The following ARB2A variants were observed in gnomAD, a reference collection of about 807,000 sequenced individuals.
ARB2A encodes cotranscriptional regulator ARB2A.
the ARB2A span, among the ~76,000 whole-genome samples, chr5:93,896,546 T>A: frequency 6.6e-6 from 1 of 151,656 alleles, no homozygotes; most frequent in African/African-American, 2.4e-5. Flanking sequence ...TCTGAAAAAA[T>A]CCAAAAACCA....
At chr5:93,745,809 T>A in the ARB2A span, among the ~76,000 whole-genome samples, 1 of 151,946 alleles carries the variant, frequency 6.6e-6, no homozygotes, top group Non-Finnish European at 1.5e-5. Context: ...ACTCTGCAGA[T>A]GTCCTAGTAA....
chr5:93,944,252 A>G, the ARB2A span, among the ~76,000 whole-genome samples: 5 of 152,308 alleles, frequency 3.3e-5, 1 homozygote, highest in African/African-American at 1.2e-4. Flanking sequence ...GCTACATTGA[A>G]TTATTTAATT....
the ARB2A span, among the ~76,000 whole-genome samples, chr5:93,811,576 A>C: frequency 6.6e-6 from 1 of 152,076 alleles, no homozygotes; most frequent in East Asian, 1.9e-4. Flanking sequence ...AGTACAATAC[A>C]CTATTTATTT....
chr5:93,806,954 T>C, the ARB2A span, among the ~76,000 whole-genome samples: 16 of 152,110 alleles, frequency 1.1e-4, no homozygotes, highest in African/African-American at 3.6e-4. Flanking sequence ...TTATGAATTA[T>C]GGTAGCAGAA....
the ARB2A span, among the ~76,000 whole-genome samples, chr5:93,720,084 C>G: frequency 6.6e-6 from 1 of 152,204 alleles, no homozygotes; most frequent in Non-Finnish European, 1.5e-5. Context: ...CATCTAATTA[C>G]TGGACTGCAG....
At chr5:93,791,742 C>A in the ARB2A span, among the ~76,000 whole-genome samples, 1 of 152,126 alleles carries the variant, frequency 6.6e-6, no homozygotes, top group East Asian at 1.9e-4. Flanking sequence ...ACTGAAACTT[C>A]TTGGGTCACA....
the ARB2A span, among the ~76,000 whole-genome samples, chr5:94,002,709 T>A: frequency 0.024 from 3,560 of 150,838 alleles, 84 homozygotes; most frequent in Middle Eastern, 0.061. Context: ...TCTTTTTTTT[T>A]AAAAAAAAAG....
chr5:93,630,799 C>T, the ARB2A span, among the ~76,000 whole-genome samples: 60 of 152,102 alleles, frequency 3.9e-4, no homozygotes, highest in Non-Finnish European at 7.8e-4. Flanking sequence ...ATTAGCCAGG[C>T]GCGATGGCAT....
chr5:93,666,649 T>A, the ARB2A span, among the ~76,000 whole-genome samples: 1 of 152,136 alleles, frequency 6.6e-6, no homozygotes, highest in Non-Finnish European at 1.5e-5. Flanking sequence ...TAATGACAGG[T>A]ACTAACCAAA....
chr5:93,721,092 G>C, the ARB2A span, among the ~76,000 whole-genome samples: 1 of 152,128 alleles, frequency 6.6e-6, no homozygotes, highest in South Asian at 2.1e-4. Flanking sequence ...AAGGAAACAG[G>C]CTAATTCTCT....
the ARB2A span, among the ~76,000 whole-genome samples, chr5:94,078,560 C>T: frequency 6.6e-6 from 1 of 152,096 alleles, no homozygotes; most frequent in Non-Finnish European, 1.5e-5. Flanking sequence ...TGAGCAGACA[C>T]GAGACAAAGC....
the ARB2A span, chr5:93,618,206 G>A: frequency 6.6e-6 from 1 of 151,612 alleles, no homozygotes; most frequent in African/African-American, 2.4e-5. Flanking sequence ...GCAGAAACTC[G>A]AGAAAAGAAC....
chr5:93,836,397 G>A, the ARB2A span, among the ~76,000 whole-genome samples: 1 of 152,172 alleles, frequency 6.6e-6, no homozygotes, highest in Non-Finnish European at 1.5e-5. Context: ...CACAGATATG[G>A]CTCTAATCCA....
At chr5:93,936,673 A>C in the ARB2A span, among the ~76,000 whole-genome samples, 1 of 152,196 alleles carries the variant, frequency 6.6e-6, no homozygotes, top group Non-Finnish European at 1.5e-5. Flanking sequence ...CTATAAAAGA[A>C]AGATGAATAC....
At chr5:93,731,175 G>T in the ARB2A span, among the ~76,000 whole-genome samples, 1 of 152,082 alleles carries the variant, frequency 6.6e-6, no homozygotes, top group Non-Finnish European at 1.5e-5. Context: ...CCAAATTTAT[G>T]TGTTGAAGTC....
chr5:93,620,050 A>C, the ARB2A span: 7 of 152,226 alleles, frequency 4.6e-5, no homozygotes, highest in South Asian at 2.1e-4. Flanking sequence ...GATTAACAAC[A>C]ACCTTTCTCC....
the ARB2A span, among the ~76,000 whole-genome samples, chr5:93,995,568 T>C: frequency 6.6e-6 from 1 of 152,172 alleles, no homozygotes; most frequent in African/African-American, 2.4e-5. Flanking sequence ...ATTTTATTGG[T>C]AAGGCTCCCA....
the ARB2A span, among the ~76,000 whole-genome samples, chr5:93,945,046 AC>A: frequency 6.6e-6 from 1 of 152,308 alleles, no homozygotes; most frequent in East Asian, 1.9e-4. Flanking sequence ...AGGAGCAGTT[AC>A]CCCACTCTCT....
chr5:93,777,933 G>A, the ARB2A span, among the ~76,000 whole-genome samples: 6,822 of 152,138 alleles, frequency 0.045, 257 homozygotes, highest in East Asian at 0.13. Flanking sequence ...TAAAGGAAGG[G>A]TTGCTGTATG....
Sources: gnomAD v4.1 joint callset for allele counts (sites outside exome capture counted in the v4.1 genomes callset) on GRCh38, gnomAD v4.1.1 for gene constraint, MANE v1.5 for transcripts, NCBI Gene and HGNC (gene_info 2026-07-23, HGNC 2026-07-21) for gene names.